The following ESR1 variants were observed in gnomAD, a reference collection of about 807,000 sequenced individuals.
The protein encoded by ESR1 is estrogen receptor 1.
Under a neutral mutation model 52.7 loss-of-function variants are expected in ESR1, and 12 were observed. The observed-to-expected ratio is 0.23, with a 90% CI of 0.15 to 0.37. The LOEUF (loss-of-function observed/expected upper bound fraction) is 0.37, where lower values mean the gene tolerates loss of function less well. Among genes scored for constraint, ESR1 ranks in the 10% least tolerant of loss-of-function variants. ESR1 has a pLI of 1.00. For missense variants in ESR1, 584 were observed against 779.7 expected, an observed-to-expected ratio of 0.75 and a Z score of 2.99; for synonymous variants, 305 against 316.8, an observed-to-expected ratio of 0.96 and a Z score of 0.39.
chr6:152,123,890 T>C (rs2052360822), intron 6 of ESR1, among the ~76,000 whole-genome samples: 1 of 152,230 alleles, frequency 6.6e-6, no homozygotes, highest in Non-Finnish European at 1.5e-5. Flanking sequence ...TATTACCTAT[T>C]AATTTCTGAA....
At chr6:151,992,483 A>G (rs1008317313) in intron 4 of ESR1, among the ~76,000 whole-genome samples, 1 of 152,098 alleles carries the variant, frequency 6.6e-6, no homozygotes, top group African/African-American at 2.4e-5. Context: ...ATGCGTTTTT[A>G]TATCTCTCTA....
chr6:152,122,266 T>C (rs2152523070), intron 6 of ESR1: 1 of 1,001,718 alleles, frequency 1.0e-6, no homozygotes, highest in Non-Finnish European at 1.5e-6. Flanking sequence ...TCACTGTTTA[T>C]CTTCCACCTC....
chr6:151,776,795 G>A (rs1390554387), intron 2 of ESR1, among the ~76,000 whole-genome samples: 4 of 150,796 alleles, frequency 2.7e-5, no homozygotes, highest in Admixed American at 6.6e-5. Context: ...CCGAGATCAC[G>A]CCACTGCACT....
chr6:152,020,936 C>T (rs1346969791), intron 5 of ESR1, among the ~76,000 whole-genome samples: 1 of 152,068 alleles, frequency 6.6e-6, no homozygotes, highest in East Asian at 1.9e-4. Flanking sequence ...CCTGTGGACT[C>T]CTAATATAAG....
At chr6:151,857,749 G>A (rs1032707058) in intron 2 of ESR1, among the ~76,000 whole-genome samples, 10 of 151,988 alleles carry the variant, frequency 6.6e-5, no homozygotes, top group African/African-American at 2.2e-4. Flanking sequence ...TGCTAGTCTC[G>A]AACTCCTGAC....
At chr6:152,033,451 AAAAC>A (rs561512324) in intron 5 of ESR1, among the ~76,000 whole-genome samples, 1,706 of 152,328 alleles carry the variant, frequency 0.011, 21 homozygotes, top group African/African-American at 0.039. Flanking sequence ...TTACAAGAAA[AAAAC>A]AAACAACACC....
At chr6:151,954,342 T>C (rs2036662800) in intron 4 of ESR1, among the ~76,000 whole-genome samples, 1 of 152,230 alleles carries the variant, frequency 6.6e-6, no homozygotes, top group Admixed American at 6.5e-5. Context: ...TAAAAACAAG[T>C]GGCCTTGTCC....
chr6:152,060,392 C>T (rs1467795706), intron 5 of ESR1, among the ~76,000 whole-genome samples: 2 of 152,164 alleles, frequency 1.3e-5, no homozygotes, highest in African/African-American at 4.8e-5. Context: ...GCATTCACAT[C>T]TCTGCTTGAT....
intron 4 of ESR1, among the ~76,000 whole-genome samples, chr6:151,976,588 C>T (rs938601147): frequency 6.6e-6 from 1 of 151,918 alleles, no homozygotes; most frequent in Middle Eastern, 3.2e-3. Context: ...TTCATATGTC[C>T]TGATATGGGT....
At chr6:151,763,940 G>A (rs1784845282) in intron 2 of ESR1, among the ~76,000 whole-genome samples, 1 of 152,156 alleles carries the variant, frequency 6.6e-6, no homozygotes, top group Non-Finnish European at 1.5e-5. Context: ...GAGGATGACA[G>A]GGCGACAGGT....
intron 4 of ESR1, among the ~76,000 whole-genome samples, chr6:151,962,153 G>A (rs1479856878): frequency 2.6e-5 from 4 of 152,138 alleles, no homozygotes; most frequent in Non-Finnish European, 5.9e-5. Flanking sequence ...CGTCTTCTAG[G>A]CATTCTGCTG....
At chr6:151,953,580 G>A (rs1221107201) in intron 4 of ESR1, among the ~76,000 whole-genome samples, 1 of 152,092 alleles carries the variant, frequency 6.6e-6, no homozygotes, top group African/African-American at 2.4e-5. Context: ...AATTAGCTGG[G>A]TGTGGTGGTG....
Position 152,048,082 on chromosome 6 carries a change from C to G in ESR1, c.1236-12909C>G, listed in dbSNP as rs1320790014. 6.0e-5 allele frequency among the ~76,000 whole-genome samples: 9 copies of G among 150,484 alleles called. No individual in the cohort carries two copies. In the East Asian group the frequency reaches 1.8e-3, roughly 30 times the overall value. On this transcript the variant is annotated intron_variant, in intron 5 of 7. Coordinates refer to ENST00000206249, the MANE Select transcript of ESR1 (RefSeq NM_000125.4). Reference sequence around the variant, plus strand: ...TTATTTAGTTTGAGATTAAATGTCACTCCCTCGGCCTGGCGCGGTGGCTCA... The same window carrying G: ...TTATTTAGTTTGAGATTAAATGTCAGTCCCTCGGCCTGGCGCGGTGGCTCA...
At position 151,808,277 on chromosome 6, in the gene ESR1, A is replaced by C; in HGVS notation, c.365A>C (p.Gln122Pro). Residue 122 changes from glutamine (Q) to proline (P), a missense_variant, in exon 1 of 8, where the codon CAG (glutamine) becomes CCG (proline). Transcript: ENST00000206249. ...CCGCCGCAGCTGTCGCCTTTCCTGC[A>C]GCCCCACGGCCAGCAGGTGCCCTAC... ...HPPPQLSPFL[Q>P]PHGQQVPYYL... 1 of 1,587,298 alleles carries C rather than the reference A, an allele frequency of 6.3e-7. No individual in the cohort carries two copies. The highest frequency in any genetic ancestry group is 8.6e-7 in the Non-Finnish European group (1 of 1,168,072).
chr6:151,988,326 A>G (rs1366731641), intron 4 of ESR1, among the ~76,000 whole-genome samples: 1 of 152,102 alleles, frequency 6.6e-6, no homozygotes, highest in Non-Finnish European at 1.5e-5. Context: ...CCTTGTGTGC[A>G]CAGTTCACAG....
chr6:151,949,669 C>T (rs1398743617), intron 4 of ESR1, among the ~76,000 whole-genome samples: 1 of 152,338 alleles, frequency 6.6e-6, no homozygotes, highest in South Asian at 2.1e-4. Flanking sequence ...AGCTTTTTTG[C>T]AAGTGTTCCA....
intron 6 of ESR1, among the ~76,000 whole-genome samples, chr6:152,074,906 A>C (rs2048616112): frequency 6.6e-6 from 1 of 152,106 alleles, no homozygotes; most frequent in Admixed American, 6.6e-5. Flanking sequence ...GTGTCTGTTA[A>C]ACTCTTTGGT....
chr6:152,084,714 A>AC (rs1307614341), intron 6 of ESR1, among the ~76,000 whole-genome samples: 2 of 152,056 alleles, frequency 1.3e-5, no homozygotes, highest in Non-Finnish European at 2.9e-5. Context: ...GAAAAAAAAA[A>AC]AAAAACAGTT....
chr6:151,746,329 G>C (rs1427997697), intron 2 of ESR1, among the ~76,000 whole-genome samples: 1 of 152,102 alleles, frequency 6.6e-6, no homozygotes. Context: ...AAATTTGTGG[G>C]GTTTGTGTCA....
Sources: allele counts gnomAD v4.1 joint callset (sites outside exome capture counted in the v4.1 genomes callset), GRCh38; gene constraint gnomAD v4.1.1; transcripts MANE v1.5; gene names NCBI Gene and HGNC (gene_info 2026-07-23, HGNC 2026-07-21).